ZXDC: variants seen among roughly 807,000 people sequenced by gnomAD.
ZXDC encodes zinc finger protein ZXDC.
ZXDC carries 58 observed loss-of-function variants against 63.6 expected under a neutral mutation model. That is an observed-to-expected ratio of 0.91 (90% CI 0.74 to 1.13). The LOEUF (loss-of-function observed/expected upper bound fraction) is 1.13. Among genes scored for constraint, ZXDC ranks in the 50% most tolerant of loss-of-function variants. The probability of loss-of-function intolerance (pLI) is 0.00; values close to 1 mark genes in which losing one functional copy is unlikely to be tolerated. For synonymous variants in ZXDC, 561 were observed against 496.1 expected (o/e 1.13, Z -1.74); for missense variants, 1,133 against 1,148.9 (o/e 0.99, Z 0.20).
intron 7 of ZXDC, among the ~76,000 whole-genome samples, chr3:126,456,008 A>C (rs1934293644): frequency 1.3e-5 from 2 of 152,018 alleles, no homozygotes; most frequent in South Asian, 2.1e-4. Flanking sequence ...TCAAAAAAAA[A>C]CAAAAAAAAA....
At position 126,449,581 on chromosome 3, in the gene ZXDC, T is replaced by TTTGAA. The variant is rs1490481282; in HGVS notation, c.2213-7636_2213-7635insTTCAA. On this transcript the variant is annotated intron_variant, in intron 7 of 9. Coordinates refer to ENST00000389709, the MANE Select transcript of ZXDC (RefSeq NM_025112.5). Reference sequence around the variant, plus strand: ...CTGATGCTTTGAATGTCTCAGCAGGTTGGCTCTACAAATCATCGCTCTGGC... The same window carrying TTTGAA: ...CTGATGCTTTGAATGTCTCAGCAGGTTTGAATGGCTCTACAAATCATCGCTCTGGC... Among the ~76,000 whole-genome samples, 10 of 152,358 alleles carry TTTGAA rather than the reference T, an allele frequency of 6.6e-5. No homozygotes were observed. In the East Asian group the frequency reaches 7.7e-4, roughly 12 times the overall value.
In ZXDC at chr3:126,475,646, A is replaced by T. The variant is rs1472856227; in HGVS notation, c.220T>A (p.Ser74Thr). The T allele has an allele frequency of 6.8e-7, 1 of 1,464,892 alleles. No individual in the cohort carries two copies. Among genetic ancestry groups the T allele is most frequent in the Non-Finnish European group, 9.0e-7 (1 of 1,106,422 alleles). The allele number at this position is 1,464,892 out of a possible 1,614,324, so 90.7% of individuals were successfully genotyped here. The stretch of plus-strand genomic sequence containing the variant: ...GGCACTTCCAGCAGCACCAAGAAAG[A>T]GTCGCCGTCGCTGTCGTCCTCGGCG... Reference protein sequence around the residue: ...PPAEDDSDGDSFLVLLEVPHG... With the variant: ...PPAEDDSDGDTFLVLLEVPHG... The change falls in exon 1 of 10, where the codon TCT (serine) becomes ACT (threonine). Residue 74 changes from serine to threonine, a missense_variant. Transcript: ENST00000389709.
chr3:126,460,199 C>CA (rs1225153979), intron 6 of ZXDC: 1 of 935,622 alleles, frequency 1.1e-6, no homozygotes, highest in East Asian at 1.2e-4. Flanking sequence ...TATACTTTGT[C>CA]AAAGTCTTAC....
chr3:126,451,663 A>G (rs1934103526), intron 7 of ZXDC: 3 of 985,250 alleles, frequency 3.0e-6, no homozygotes, highest in Non-Finnish European at 3.6e-6. Flanking sequence ...AGTCAGATCT[A>G]CCAATGTCCT....
intron 7 of ZXDC, chr3:126,443,203 G>A (rs1264999683): frequency 6.6e-6 from 1 of 152,250 alleles, no homozygotes; most frequent in African/African-American, 2.4e-5. Context: ...ACTGCAGGGA[G>A]ATGCACTTCC....
chr3:126,457,958 T>G (rs899304643), intron 7 of ZXDC, among the ~76,000 whole-genome samples: 5 of 152,192 alleles, frequency 3.3e-5, no homozygotes, highest in Non-Finnish European at 7.3e-5. Context: ...AGGTCCAGAC[T>G]GGCACACTCG....
At chr3:126,455,479 G>A (rs528188879) in intron 7 of ZXDC, among the ~76,000 whole-genome samples, 13 of 152,188 alleles carry the variant, frequency 8.5e-5, no homozygotes, top group Admixed American at 2.6e-4. Flanking sequence ...AAGAAACCAG[G>A]GCTCTCTGGA....
rs1468697449 is a variant in ZXDC at position 126,475,469 on chromosome 3, T to G, written c.397A>C (p.Ser133Arg). 8.3e-7 allele frequency: 1 copy of G among 1,210,616 alleles called. No homozygotes were observed. The highest frequency in any genetic ancestry group is 1.6e-5 in the African/African-American group (1 of 62,498). The allele number at this position is 1,210,616 out of a possible 1,614,324, so 75.0% of individuals were successfully genotyped here. A position where few individuals can be genotyped will look rare whatever the true frequency, so the allele number is the denominator to read the frequency against. Residue 133 changes from serine to arginine, a missense_variant, in exon 1 of 10, where the codon AGC (serine) becomes CGC (arginine). By Grantham distance (110) the Ser-to-Arg change is moderately radical. Coordinates refer to ENST00000389709, the MANE Select transcript of ZXDC (RefSeq NM_025112.5). Reference protein sequence around the residue: ...VAPAGAVTISSQDLLVRLDRG... With the variant: ...VAPAGAVTISRQDLLVRLDRG... ...TCGAGACGCACCAGCAGGTCCTGGC[T>G]GCTGATGGTGACGGCGCCCGCCGGG...
chr3:126,439,127 T>G (rs543685215), intron 9 of ZXDC, among the ~76,000 whole-genome samples: 1 of 152,366 alleles, frequency 6.6e-6, no homozygotes, highest in South Asian at 2.1e-4. Flanking sequence ...AAATGCTGAA[T>G]AGCCCAATTT....
At chr3:126,457,512 T>A in intron 7 of ZXDC, 1 of 985,400 alleles carries the variant, frequency 1.0e-6, no homozygotes, top group Non-Finnish European at 1.2e-6. Context: ...CCTGCTGCAC[T>A]CACACACGGA....
chr3:126,441,983 C>T, intron 7 of ZXDC, 37 bp from the exon 8 acceptor site: 1 of 1,554,340 alleles, frequency 6.4e-7, no homozygotes, highest in Non-Finnish European at 8.7e-7. Context: ...ACCCAATCTA[C>T]AATCTACCAG....
rs1935125134 is a variant in ZXDC, at chr3:126,474,935, G to GC, written c.907+23dup. The GC allele has an allele frequency of 3.2e-6, 5 of 1,543,126 alleles. No homozygotes were observed. The South Asian group carries it at 6.0e-5, about 18-fold the overall frequency. Reference sequence around the variant, plus strand: ...ACCTGCCTGCAACACCGCGCAGCCCGCCCGCCCCCGAGAGCGCGGTTACCG... The same window carrying GC: ...ACCTGCCTGCAACACCGCGCAGCCCGCCCCGCCCCCGAGAGCGCGGTTACCG... On this transcript the variant is annotated intron_variant, in intron 1 of 9. Coordinates refer to ENST00000389709, the MANE Select transcript of ZXDC (RefSeq NM_025112.5).
At chr3:126,470,831 C>T (rs1334044764) in intron 4 of ZXDC, 64 bp downstream of exon 4, 12 of 1,592,362 alleles carry the variant, frequency 7.5e-6, no homozygotes, top group Admixed American at 1.7e-5. Context: ...ACAACGGAAA[C>T]TTAACAGGAT....
At position 126,475,068 on chromosome 3, in the gene ZXDC, G is replaced by A; in HGVS notation, c.798C>T (p.Ser266=). 1 of 1,605,720 alleles carries A rather than the reference G, an allele frequency of 6.2e-7. No homozygotes were observed. Among genetic ancestry groups the A allele is most frequent in the Non-Finnish European group, 8.5e-7 (1 of 1,176,174 alleles). ...CGGCGCACACCTCGCACTTGAACAGGCTCTCCTGCTCGTGGCCCTTCATGT... is the reference window on the plus strand; with the variant it reads ...CGGCGCACACCTCGCACTTGAACAGACTCTCCTGCTCGTGGCCCTTCATGT... ...KAHMKGHEQE[S]LFKCEVCAER... The change falls in exon 1 of 10, where the codon AGC becomes AGT. Residue 266 remains serine, a synonymous_variant. Coordinates refer to ENST00000389709, the MANE Select transcript of ZXDC (RefSeq NM_025112.5).
At chr3:126,465,259 G>A (rs1388852577) in intron 5 of ZXDC, among the ~76,000 whole-genome samples, 2 of 152,248 alleles carry the variant, frequency 1.3e-5, no homozygotes, top group Admixed American at 6.5e-5. Context: ...GGGCACATGG[G>A]TGTGCTCCCC....
At chr3:126,445,480 T>C (rs1048838120) in intron 7 of ZXDC, among the ~76,000 whole-genome samples, 1 of 152,022 alleles carries the variant, frequency 6.6e-6, no homozygotes, top group Non-Finnish European at 1.5e-5. Flanking sequence ...AACCAGTATT[T>C]GGAACTGCCC....
chr3:126,446,397 T>C (rs1245720179), intron 7 of ZXDC, among the ~76,000 whole-genome samples: 1 of 152,204 alleles, frequency 6.6e-6, no homozygotes, highest in Non-Finnish European at 1.5e-5. Context: ...ATGGCCACAC[T>C]GCTTTCACCT....
At chr3:126,451,779 CGT>C (rs1934111063) in intron 7 of ZXDC, 1 of 985,236 alleles carries the variant, frequency 1.0e-6, no homozygotes, top group Non-Finnish European at 1.2e-6. Flanking sequence ...TCTGTGCGGA[CGT>C]GTCTCTGTGG....
intron 1 of ZXDC, among the ~76,000 whole-genome samples, chr3:126,473,112 T>C (rs1935040015): frequency 6.6e-6 from 1 of 152,142 alleles, no homozygotes; most frequent in Admixed American, 6.5e-5. Context: ...GAACCCTACT[T>C]TCCCCAGCAA....
Sources: gnomAD v4.1 joint callset for allele counts (sites outside exome capture counted in the v4.1 genomes callset) on GRCh38, gnomAD v4.1.1 for gene constraint, MANE v1.5 for transcripts, NCBI Gene and HGNC (gene_info 2026-07-23, HGNC 2026-07-21) for gene names.